Variants in KIAA1217 observed in about 807,000 individuals in gnomAD.
KIAA1217 encodes sickle tail protein homolog.
KIAA1217 carries 88 observed loss-of-function variants against 163.9 expected under a neutral mutation model. The observed-to-expected ratio is 0.54, with a 90% confidence interval of 0.45 to 0.64. KIAA1217 has a LOEUF of 0.64. KIAA1217 is among the 30% of genes least tolerant of loss of function. KIAA1217 has a pLI of 0.00. For missense variants in KIAA1217, 2,372 were observed against 2,475.0 expected (o/e 0.96, Z 0.88); for synonymous variants, 903 against 923.1 (o/e 0.98, Z 0.39).
chr10:23,822,011 A>G (rs989270363), intron 1 of KIAA1217, among the ~76,000 whole-genome samples: 1 of 152,154 alleles, frequency 6.6e-6, no homozygotes, highest in African/African-American at 2.4e-5. Context: ...AGCTACTCAG[A>G]CCATCCCATC....
intron 1 of KIAA1217, among the ~76,000 whole-genome samples, chr10:23,822,305 ACCT>A (rs1837657668): frequency 6.6e-6 from 1 of 152,156 alleles, no homozygotes. Flanking sequence ...GGGCTGTGCT[ACCT>A]AGAAAAAGGA....
At chr10:24,289,794 CT>C (rs1460385732) in intron 2 of KIAA1217, among the ~76,000 whole-genome samples, 1 of 151,990 alleles carries the variant, frequency 6.6e-6, no homozygotes, top group Non-Finnish European at 1.5e-5. Context: ...CTGGGACCCC[CT>C]GGGATTGAGA....
chr10:23,987,603 TTG>T (rs568995756), intron 1 of KIAA1217, among the ~76,000 whole-genome samples: 27 of 121,116 alleles, frequency 2.2e-4, no homozygotes, highest in Admixed American at 3.2e-4. Flanking sequence ...ACATTCTTAT[TTG>T]TGTGTGTGTG....
intron 1 of KIAA1217, among the ~76,000 whole-genome samples, chr10:24,211,559 TGTATTGTATTGTATTG>T (rs2068109470): frequency 1.0e-5 from 1 of 99,118 alleles, no homozygotes; most frequent in Non-Finnish European, 2.3e-5. Context: ...TGTATTGTAT[TGTATTGTATTGTATTG>T]TATTGTATTG....
chr10:23,740,362 T>G (rs6482335), intron 1 of KIAA1217, among the ~76,000 whole-genome samples: 34,833 of 152,034 alleles, frequency 0.23, 4,323 homozygotes, highest in African/African-American at 0.32. Flanking sequence ...AAGCACGTAT[T>G]AGATTGTTTT....
At chr10:23,965,793 C>T (rs1845043438) in intron 1 of KIAA1217, among the ~76,000 whole-genome samples, 1 of 152,136 alleles carries the variant, frequency 6.6e-6, no homozygotes, top group South Asian at 2.1e-4. Context: ...GTGCTTGAGG[C>T]TAAGGATACT....
At position 23,904,709 on chromosome 10, in the gene KIAA1217, G is replaced by C. The variant is rs966863721; in HGVS notation, c.-320-102516G>C. On this transcript the variant is annotated intron_variant, in intron 1 of 18. Coordinates refer to the KIAA1217 transcript ENST00000376462. ...TCACGTGGCTACATCTGACTTCATG[G>C]AGGGCATAGGTACAATCTTGTGGCC... is the stretch of plus-strand genomic sequence containing the variant. Among the ~76,000 whole-genome samples the C allele has an allele frequency of 7.2e-5, 11 of 152,218 alleles. No individual in the cohort carries two copies. The South Asian group carries it at 2.1e-3, about 29-fold the overall frequency.
intron 1 of KIAA1217, among the ~76,000 whole-genome samples, chr10:23,804,954 A>G (rs1202781345): frequency 1.3e-5 from 2 of 152,198 alleles, no homozygotes; most frequent in Non-Finnish European, 2.9e-5. Flanking sequence ...ATAATGAGAT[A>G]CCATCTAACA....
At chr10:24,217,608 G>C (rs2069004131) in intron 1 of KIAA1217, among the ~76,000 whole-genome samples, 1 of 152,162 alleles carries the variant, frequency 6.6e-6, no homozygotes, top group South Asian at 2.1e-4. Flanking sequence ...TCTATATACA[G>C]ATCTTTCTAG....
intron 2 of KIAA1217, among the ~76,000 whole-genome samples, chr10:24,225,733 G>A (rs1590046064): frequency 6.6e-6 from 1 of 152,300 alleles, no homozygotes; most frequent in East Asian, 1.9e-4. Context: ...TCATAACATT[G>A]CAGTACTGCA....
At chr10:24,245,276 T>C (rs1297271945) in intron 2 of KIAA1217, among the ~76,000 whole-genome samples, 3 of 152,204 alleles carry the variant, frequency 2.0e-5, no homozygotes, top group Non-Finnish European at 2.9e-5. Context: ...ATCATGCTGG[T>C]CCCGTCGAAG....
chr10:24,507,394 C>CA lies in KIAA1217; in HGVS notation c.2001+5853dup, dbSNP rs371223133. Among the ~76,000 whole-genome samples the CA allele has an allele frequency of 3.4e-3, 524 of 152,210 alleles. 2 individuals carry two copies. Among genetic ancestry groups the CA allele is most frequent in the African/African-American group, 0.012 (503 of 41,538 alleles). On this transcript the variant is annotated intron_variant, in intron 9 of 20. Transcript: ENST00000376454. The stretch of plus-strand genomic sequence containing the variant: ...ATAATGAAATCAGCAGCAAGGACTT[C>CA]AAAACAGCTATTATAATTATTCTCA...
chr10:24,282,671 T>C (rs2078080045), intron 2 of KIAA1217, among the ~76,000 whole-genome samples: 1 of 152,070 alleles, frequency 6.6e-6, no homozygotes, highest in African/African-American at 2.4e-5. Context: ...TTGTGGGTTC[T>C]TTGTTTTTTG....
At chr10:24,264,811 CTT>C (rs1455774252) in intron 2 of KIAA1217, among the ~76,000 whole-genome samples, 2 of 150,934 alleles carry the variant, frequency 1.3e-5, no homozygotes, top group Non-Finnish European at 3.0e-5. Flanking sequence ...CTCATTCTCT[CTT>C]TCTCTCTCTC....
At chr10:24,312,524 C>G (rs1044350991) in intron 2 of KIAA1217, among the ~76,000 whole-genome samples, 3 of 152,052 alleles carry the variant, frequency 2.0e-5, no homozygotes, top group Admixed American at 6.6e-5. Flanking sequence ...GAGGCTGAGG[C>G]AGGAGAATTC....
intron 1 of KIAA1217, among the ~76,000 whole-genome samples, chr10:23,751,909 T>A (rs146756249): frequency 2.0e-3 from 305 of 152,348 alleles, no homozygotes; most frequent in African/African-American, 5.9e-3. Flanking sequence ...TCTTTTATTA[T>A]GTCTACTGTC....
At chr10:23,911,051 C>G (rs1047663499) in intron 1 of KIAA1217, among the ~76,000 whole-genome samples, 1 of 152,234 alleles carries the variant, frequency 6.6e-6, no homozygotes, top group South Asian at 2.1e-4. Flanking sequence ...TGCCAGATGG[C>G]GAGTCAAGTT....
intron 1 of KIAA1217, among the ~76,000 whole-genome samples, chr10:24,005,332 A>G (rs1481308927): frequency 6.6e-6 from 1 of 152,174 alleles, no homozygotes; most frequent in Non-Finnish European, 1.5e-5. Context: ...ACCTCCCCTA[A>G]TTAGTTCAAA....
intron 2 of KIAA1217, among the ~76,000 whole-genome samples, chr10:24,195,047 C>T (rs2066919583): frequency 6.6e-6 from 1 of 152,152 alleles, no homozygotes; most frequent in Non-Finnish European, 1.5e-5. Flanking sequence ...CTGGTCCCCT[C>T]CCTGCCAGGC....
Sources: allele counts gnomAD v4.1 joint callset (sites outside exome capture counted in the v4.1 genomes callset), GRCh38; gene constraint gnomAD v4.1.1; transcripts MANE v1.5; gene names NCBI Gene and HGNC (gene_info 2026-07-23, HGNC 2026-07-21).